LRRIQ1: variants seen among roughly 807,000 people sequenced by gnomAD.
LRRIQ1 encodes leucine-rich repeat- and IQ domain-containing protein 1.
Under a neutral mutation model 211.9 loss-of-function variants are expected in LRRIQ1, and 210 were observed. The observed-to-expected ratio is 0.99, with a 90% CI of 0.89 to 1.11. The LOEUF (loss-of-function observed/expected upper bound fraction) is 1.11. Ranked by LOEUF, LRRIQ1 falls within the 50% of genes most tolerant of loss-of-function variation. The pLI, the probability that LRRIQ1 is intolerant of heterozygous loss-of-function variation, is 0.00. For synonymous variants in LRRIQ1, 699 were observed against 650.1 expected (o/e 1.08, Z -1.14); for missense variants, 2,136 against 1,939.5 (o/e 1.10, Z -1.90).
downstream of LRRIQ1, among the ~76,000 whole-genome samples, chr12:85,247,147 T>C (rs756118325): frequency 6.6e-6 from 1 of 151,594 alleles, no homozygotes; most frequent in Admixed American, 6.6e-5. Flanking sequence ...GTTCAGCTTA[T>C]AAAAAACCTA....
At chr12:85,049,078 G>A (rs1421972772) in intron 6 of LRRIQ1, among the ~76,000 whole-genome samples, 1 of 152,162 alleles carries the variant, frequency 6.6e-6, no homozygotes, top group Non-Finnish European at 1.5e-5. Context: ...AATATTAGGT[G>A]TAATGAATTC....
chr12:85,160,768 A>T, intron 24 of LRRIQ1, 54 bp downstream of exon 24: 1 of 952,978 alleles, frequency 1.0e-6, no homozygotes, highest in African/African-American at 1.7e-5. Context: ...AAAGATTAAA[A>T]GAATTATATT....
chr12:85,137,858 G>A lies in LRRIQ1; in HGVS notation c.4218G>A (p.Trp1406Ter). The change falls in exon 19 of 27, where the codon TGG (tryptophan) becomes TGA (stop). Residue 1406 changes from tryptophan to a stop codon, truncating the protein, a stop_gained. Transcript: ENST00000393217. LOFTEE classifies it high-confidence loss of function. ...TTTACATTTTTGTTTAGGCAGTTTGGAAGGGCTTTATTTTGCGAAAGAAAC... is the reference window on the plus strand; with the variant it reads ...TTTACATTTTTGTTTAGGCAGTTTGAAAGGGCTTTATTTTGCGAAAGAAAC... Reference protein sequence around the residue: ...EKAAILIQAVWKGFILRKKLT... With the variant: ...EKAAILIQAV 6.3e-7 allele frequency: 1 copy of A among 1,590,096 alleles called. No homozygotes were observed. The highest frequency in any genetic ancestry group is 8.5e-7 in the Non-Finnish European group (1 of 1,171,790).
chr12:85,152,459 G>A, intron 20 of LRRIQ1, 90 bp downstream of exon 20: 2 of 932,556 alleles, frequency 2.1e-6, no homozygotes, highest in Non-Finnish European at 3.1e-6. Flanking sequence ...ACAATTTATT[G>A]ACTTGAAAAA....
intron 8 of LRRIQ1, among the ~76,000 whole-genome samples, chr12:85,059,995 T>C (rs1881600584): frequency 1.3e-5 from 2 of 152,044 alleles, no homozygotes; most frequent in South Asian, 4.1e-4. Flanking sequence ...CTAAGTTCTA[T>C]GTTAAGACTG....
intron 18 of LRRIQ1, among the ~76,000 whole-genome samples, chr12:85,130,390 C>T (rs1017620033): frequency 3.3e-5 from 5 of 152,296 alleles, no homozygotes; most frequent in South Asian, 2.1e-4. Context: ...CGCCTGTCAT[C>T]GGTGGATGAA....
chr12:85,236,855 A>ATATATATATATATATATATC (rs1401058179), intron 26 of LRRIQ1, among the ~76,000 whole-genome samples: 15 of 144,742 alleles, frequency 1.0e-4, no homozygotes, highest in African/African-American at 2.6e-4. Context: ...ATATATATAT[A>ATATATATATATATATATATC]TCTCCCAGAT....
intron 14 of LRRIQ1, among the ~76,000 whole-genome samples, chr12:85,104,828 A>C (rs565070558): frequency 6.6e-6 from 1 of 152,120 alleles, no homozygotes; most frequent in South Asian, 2.1e-4. Flanking sequence ...TTGTTGGATA[A>C]TAGAGTAGGT....
intron 11 of LRRIQ1, among the ~76,000 whole-genome samples, chr12:85,080,880 T>A (rs569684874): frequency 1.3e-5 from 2 of 152,188 alleles, no homozygotes; most frequent in East Asian, 3.9e-4. Context: ...GCTTATTTTT[T>A]ATTATTTGGC....
At chr12:85,161,585 T>G (rs776870676) in intron 24 of LRRIQ1, among the ~76,000 whole-genome samples, 2 of 152,154 alleles carry the variant, frequency 1.3e-5, no homozygotes, top group Non-Finnish European at 2.9e-5. Flanking sequence ...TTTAGGCATC[T>G]TCATAGCACG....
At chr12:85,062,715 C>T (rs1269213006) in intron 8 of LRRIQ1, among the ~76,000 whole-genome samples, 1 of 151,396 alleles carries the variant, frequency 6.6e-6, no homozygotes, top group African/African-American at 2.4e-5. Flanking sequence ...TGATATATAT[C>T]CAGTAATGGG....
chr12:85,196,644 A>G (rs1270972592), intron 24 of LRRIQ1, among the ~76,000 whole-genome samples: 5 of 152,154 alleles, frequency 3.3e-5, no homozygotes, highest in Non-Finnish European at 7.3e-5. Context: ...CTGAAACTGG[A>G]TCCCTTCCTT....
intron 26 of LRRIQ1, among the ~76,000 whole-genome samples, chr12:85,243,489 G>A (rs1343856619): frequency 6.6e-6 from 1 of 150,570 alleles, no homozygotes; most frequent in African/African-American, 2.4e-5. Flanking sequence ...GTTACATTAA[G>A]AATGATTGAC....
intron 10 of LRRIQ1, among the ~76,000 whole-genome samples, chr12:85,071,200 A>C (rs1592737328): frequency 6.6e-6 from 1 of 151,898 alleles, no homozygotes; most frequent in Non-Finnish European, 1.5e-5. Context: ...TTTTTGTATA[A>C]TATGTACATA....
At chr12:85,252,811 A>T (rs940040311) in intron 1 of LRRIQ1, among the ~76,000 whole-genome samples, 1 of 151,922 alleles carries the variant, frequency 6.6e-6, no homozygotes, top group African/African-American at 2.4e-5. Context: ...TGTACCTTTG[A>T]AGTTATATAT....
intron 19 of LRRIQ1, among the ~76,000 whole-genome samples, chr12:85,139,378 A>G (rs901379520): frequency 6.6e-6 from 1 of 151,470 alleles, no homozygotes; most frequent in African/African-American, 2.4e-5. Flanking sequence ...ATCTCACAAT[A>G]ACTGGTCTAA....
At chr12:85,204,932 G>A (rs1472223080) in intron 24 of LRRIQ1, among the ~76,000 whole-genome samples, 2 of 152,128 alleles carry the variant, frequency 1.3e-5, no homozygotes, top group Non-Finnish European at 2.9e-5. Context: ...GGCTGGGGTG[G>A]AATGATAAGG....
At chr12:85,231,582 A>G (rs547801224) in intron 25 of LRRIQ1, among the ~76,000 whole-genome samples, 2 of 152,198 alleles carry the variant, frequency 1.3e-5, no homozygotes, top group East Asian at 1.9e-4. Context: ...TTCAAGGAAC[A>G]TGGCACCAGA....
intron 3 of LRRIQ1, among the ~76,000 whole-genome samples, chr12:85,041,983 A>G (rs545394426): frequency 6.6e-6 from 1 of 151,968 alleles, no homozygotes; most frequent in Non-Finnish European, 1.5e-5. Flanking sequence ...ATGAATTGCT[A>G]TGTAAAGATT....
Sources: allele counts gnomAD v4.1 joint callset (sites outside exome capture counted in the v4.1 genomes callset), GRCh38; gene constraint gnomAD v4.1.1; transcripts MANE v1.5; gene names NCBI Gene and HGNC (gene_info 2026-07-23, HGNC 2026-07-21).